SMCO2: variants seen among roughly 807,000 people sequenced by gnomAD.
SMCO2 encodes the protein single-pass membrane protein with coiled-coil domains 2, also known as single-pass membrane and coiled-coil domain-containing protein 2.
A neutral mutation model predicts 29.5 loss-of-function variants in SMCO2; 25 were observed. The observed-to-expected ratio is 0.85, with a 90% confidence interval of 0.62 to 1.18. The LOEUF (loss-of-function observed/expected upper bound fraction) is 1.18, where lower values mean the gene tolerates loss of function less well. SMCO2 is among the 50% of genes most tolerant of loss of function. The pLI is 0.00. For missense variants in SMCO2, 348 were observed against 344.5 expected (o/e 1.01, Z -0.08); for synonymous variants, 117 against 123.3 (o/e 0.95, Z 0.34).
intron 6 of SMCO2, 63 bp downstream of exon 7, chr12:27,494,419 G>A (rs2135575893): frequency 1.7e-6 from 2 of 1,200,222 alleles, no homozygotes; most frequent in African/African-American, 1.6e-5. Flanking sequence ...CTAAATACAG[G>A]GGTCATTCAT....
At chr12:27,433,932 G>A in the SMCO2 span, among the ~76,000 whole-genome samples, 1 of 152,160 alleles carries the variant, frequency 6.6e-6, no homozygotes, top group Non-Finnish European at 1.5e-5. Flanking sequence ...TGGAGACATG[G>A]TCTGGCTCTG....
intron 4 of SMCO2, among the ~76,000 whole-genome samples, chr12:27,478,180 A>G (rs1949606879): frequency 6.6e-6 from 1 of 152,190 alleles, no homozygotes; most frequent in South Asian, 2.1e-4. Context: ...GGTTGTAATC[A>G]GCGTCAGTGG....
chr12:27,425,132 T>G, the SMCO2 span: 1 of 152,206 alleles, frequency 6.6e-6, no homozygotes, highest in Admixed American at 6.5e-5. Flanking sequence ...AGATTTGTCT[T>G]TTATACAATT....
chr12:27,460,510 T>C, the SMCO2 span, among the ~76,000 whole-genome samples: 1 of 152,144 alleles, frequency 6.6e-6, no homozygotes. Flanking sequence ...ATATTTACTA[T>C]GTTGGAAGTG....
At chr12:27,447,825 A>G in the SMCO2 span, among the ~76,000 whole-genome samples, 1 of 151,860 alleles carries the variant, frequency 6.6e-6, no homozygotes, top group African/African-American at 2.4e-5. Context: ...TCACATTTAC[A>G]GTAAAATTTG....
At chr12:27,440,191 A>G in the SMCO2 span, among the ~76,000 whole-genome samples, 12 of 152,228 alleles carry the variant, frequency 7.9e-5, no homozygotes, top group African/African-American at 2.7e-4. Flanking sequence ...GGGAATAGAA[A>G]AACATTTTCA....
At chr12:27,468,208 T>G (rs181809328) in intron 1 of SMCO2, among the ~76,000 whole-genome samples, 1 of 152,320 alleles carries the variant, frequency 6.6e-6, no homozygotes, top group East Asian at 1.9e-4. Flanking sequence ...AGCTCTTATT[T>G]ACTGCATTCA....
At chr12:27,437,881 T>C in the SMCO2 span, among the ~76,000 whole-genome samples, 1 of 152,232 alleles carries the variant, frequency 6.6e-6, no homozygotes, top group Non-Finnish European at 1.5e-5. Context: ...AACATCTCCC[T>C]CTTTTCTAAA....
intron 2 of SMCO2, 108 bp downstream of exon 2, chr12:27,470,873 G>A: frequency 8.0e-7 from 1 of 1,257,760 alleles, no homozygotes; most frequent in Non-Finnish European, 1.1e-6. Flanking sequence ...AGTCTAGGTT[G>A]ACAGTCTTCA....
Position 27,474,931 on chromosome 12 carries a change from C to A in SMCO2, c.362+18C>A, listed in dbSNP as rs992909048. 7 of 1,547,780 alleles carry A rather than the reference C, an allele frequency of 4.5e-6. No homozygotes were observed. The African/African-American group carries it at 9.6e-5, about 21-fold the overall frequency. On this transcript the variant is annotated intron_variant, in intron 4 of 7. Coordinates refer to ENST00000298876, the Ensembl canonical transcript of SMCO2. ...CTTGAACTGTAAGTCTTGACACATG[C>A]AAGACAGAGCATTTAATAATGTGTG...
At chr12:27,451,031 G>C in the SMCO2 span, among the ~76,000 whole-genome samples, 6 of 152,176 alleles carry the variant, frequency 3.9e-5, no homozygotes, top group Non-Finnish European at 8.8e-5. Context: ...CCAAGCCGAG[G>C]CTCTCATTCA....
the SMCO2 span, among the ~76,000 whole-genome samples, chr12:27,461,433 C>A: frequency 3.3e-5 from 5 of 152,056 alleles, no homozygotes; most frequent in Non-Finnish European, 5.9e-5. Context: ...TAGTCCCCAG[C>A]GTCTGTTGTT....
exon 6 of SMCO2, chr12:27,494,314 T>C: frequency 6.6e-7 from 1 of 1,521,694 alleles, no homozygotes; most frequent in Non-Finnish European, 8.8e-7. Context: ...ATACTTGTAA[T>C]GAAGTTTATG....
intron 4 of SMCO2, among the ~76,000 whole-genome samples, chr12:27,483,497 A>T (rs149759721): frequency 2.4e-3 from 361 of 152,020 alleles, no homozygotes; most frequent in African/African-American, 8.1e-3. Flanking sequence ...AGTTCACTGC[A>T]GCCTTGAACT....
intron 4 of SMCO2, among the ~76,000 whole-genome samples, chr12:27,488,056 G>A (rs1949704455): frequency 6.6e-6 from 1 of 151,390 alleles, no homozygotes; most frequent in Admixed American, 6.6e-5. Context: ...CATTTAACAG[G>A]GTCTTTGGCC....
At chr12:27,486,948 TAGG>T (rs774075254) in intron 4 of SMCO2, among the ~76,000 whole-genome samples, 1 of 152,314 alleles carries the variant, frequency 6.6e-6, no homozygotes, top group South Asian at 2.1e-4. Flanking sequence ...TATAGATTCA[TAGG>T]AGGTTTCAAA....
intron 3 of SMCO2, among the ~76,000 whole-genome samples, 198 bp from the exon 4 acceptor site, chr12:27,474,588 A>T (rs2135549192): frequency 6.6e-6 from 1 of 152,282 alleles, no homozygotes; most frequent in East Asian, 1.9e-4. Flanking sequence ...GATTCTCTCC[A>T]TGCCCCTGCC....
At position 27,495,944 on chromosome 12, in the gene SMCO2, T is replaced by A. The variant is rs1485186286; in HGVS notation, c.683+89T>A. 2.7e-5 allele frequency: 33 copies of A among 1,224,024 alleles called. 1 individual carries two copies. Among genetic ancestry groups the A allele is most frequent in the Middle Eastern group, 5.8e-4 (2 of 3,472 alleles). 75.8% of individuals were successfully genotyped at this position (1,224,024 alleles called of 1,614,324 possible). A position where few individuals can be genotyped will look rare whatever the true frequency, so the allele number is the denominator to read the frequency against. On this transcript the variant is annotated intron_variant, in intron 7 of 7. Transcript: ENST00000298876. ...GGATTGATTTTTTTCAAGTGTTGAC[T>A]AAAATGTTTTGTTTTATTTTCGTTT...
intron 7 of SMCO2, chr12:27,498,147 G>A (rs1284393961): frequency 5.5e-6 from 2 of 361,414 alleles, no homozygotes; most frequent in Non-Finnish European, 1.1e-5. Context: ...TCCCATAACC[G>A]GTTGAGTGAC....
Sources: allele counts gnomAD v4.1 joint callset (sites outside exome capture counted in the v4.1 genomes callset), GRCh38; gene constraint gnomAD v4.1.1; transcripts MANE v1.5; gene names NCBI Gene and HGNC (gene_info 2026-07-23, HGNC 2026-07-21).